The following ANKRD6 variants were observed in gnomAD, a reference collection of about 807,000 sequenced individuals.
ANKRD6 encodes ankyrin repeat domain 6.
A neutral mutation model predicts 82.3 loss-of-function variants in ANKRD6; 56 were observed. That is an observed-to-expected ratio of 0.68 (90% CI 0.55 to 0.85). ANKRD6 has a LOEUF of 0.85. ANKRD6 is among the 40% of genes least tolerant of loss of function. The pLI is 0.00. For missense variants in ANKRD6, 852 were observed against 907.6 expected (o/e 0.94, Z 0.79); for synonymous variants, 347 against 352.1 (o/e 0.99, Z 0.16).
At chr6:89,516,998 A>G (rs1351692238) in intron 1 of ANKRD6, among the ~76,000 whole-genome samples, 1 of 152,174 alleles carries the variant, frequency 6.6e-6, no homozygotes, top group African/African-American at 2.4e-5. Context: ...CCTCCTGAGT[A>G]GCTGAGACTA....
At chr6:89,510,125 G>A (rs951535596) in intron 1 of ANKRD6, among the ~76,000 whole-genome samples, 3 of 152,168 alleles carry the variant, frequency 2.0e-5, no homozygotes, top group African/African-American at 7.2e-5. Context: ...CCTCTGCTGT[G>A]GAGACTGGCA....
At chr6:89,467,494 C>G (rs1409556076) in intron 1 of ANKRD6, among the ~76,000 whole-genome samples, 1 of 152,130 alleles carries the variant, frequency 6.6e-6, no homozygotes, top group Non-Finnish European at 1.5e-5. Context: ...TAACTATTTA[C>G]TAGACACTAT....
chr6:89,610,284 C>T (rs1309379018), intron 5 of ANKRD6, among the ~76,000 whole-genome samples: 2 of 152,166 alleles, frequency 1.3e-5, no homozygotes, highest in Admixed American at 6.5e-5. Context: ...CACCCTCTCC[C>T]AGCCCCGGGC....
chr6:89,462,279 A>C (rs893945920), intron 1 of ANKRD6, among the ~76,000 whole-genome samples: 2 of 148,028 alleles, frequency 1.4e-5, no homozygotes, highest in East Asian at 3.9e-4. Context: ...TAAATACATA[A>C]ATAAAAATGA....
chr6:89,463,571 T>C (rs1028097755), intron 1 of ANKRD6, among the ~76,000 whole-genome samples: 13 of 152,202 alleles, frequency 8.5e-5, no homozygotes, highest in African/African-American at 3.1e-4. Context: ...TCAAAGGATA[T>C]ATGAAAACTG....
intron 1 of ANKRD6, among the ~76,000 whole-genome samples, chr6:89,492,751 C>T (rs576500314): frequency 6.6e-6 from 1 of 152,308 alleles, no homozygotes; most frequent in African/African-American, 2.4e-5. Context: ...CAGAGATTCA[C>T]AACAGGCCCT....
At chr6:89,448,748 T>C (rs1031059102) in intron 1 of ANKRD6, among the ~76,000 whole-genome samples, 5 of 152,166 alleles carry the variant, frequency 3.3e-5, no homozygotes, top group Admixed American at 1.3e-4. Context: ...TTAAGAAATA[T>C]GGCCGGGTGC....
At chr6:89,500,264 C>G (rs1779118715) in intron 1 of ANKRD6, among the ~76,000 whole-genome samples, 1 of 152,166 alleles carries the variant, frequency 6.6e-6, no homozygotes. Flanking sequence ...ACAGATCACT[C>G]ACTCTCCTTT....
intron 3 of ANKRD6, among the ~76,000 whole-genome samples, chr6:89,599,984 C>T (rs765914077): frequency 6.6e-4 from 100 of 152,118 alleles, no homozygotes; most frequent in Admixed American, 1.3e-3. Context: ...GGCCTGGAAA[C>T]AGGCAGGACA....
intron 2 of ANKRD6, among the ~76,000 whole-genome samples, chr6:89,570,038 T>C (rs532724389): frequency 4.1e-5 from 6 of 145,126 alleles, no homozygotes; most frequent in African/African-American, 1.5e-4. Flanking sequence ...ATTTATGTTA[T>C]ACTCGTGTGT....
intron 3 of ANKRD6, among the ~76,000 whole-genome samples, chr6:89,601,132 C>T (rs1038244840): frequency 2.0e-5 from 3 of 152,172 alleles, no homozygotes; most frequent in Admixed American, 1.3e-4. Context: ...AGGTAGACAG[C>T]GCAAATGGCA....
At chr6:89,485,898 A>C (rs1378457128) in intron 1 of ANKRD6, among the ~76,000 whole-genome samples, 6 of 152,218 alleles carry the variant, frequency 3.9e-5, no homozygotes, top group Admixed American at 6.5e-5. Context: ...ATGTTTGTGC[A>C]TATATACAAC....
chr6:89,629,816 A>G (rs923015405), intron 15 of ANKRD6, among the ~76,000 whole-genome samples: 1 of 152,224 alleles, frequency 6.6e-6, no homozygotes, highest in South Asian at 2.1e-4. Context: ...GGATTTTGAT[A>G]TAAGTGCTTT....
At chr6:89,580,665 T>C (rs1331149719) in intron 2 of ANKRD6, among the ~76,000 whole-genome samples, 3 of 152,086 alleles carry the variant, frequency 2.0e-5, no homozygotes, top group Admixed American at 6.5e-5. Flanking sequence ...CACGAGGGAT[T>C]TGCGATGCTG....
At chr6:89,460,347 A>G (rs1156699705) in intron 1 of ANKRD6, among the ~76,000 whole-genome samples, 1 of 152,128 alleles carries the variant, frequency 6.6e-6, no homozygotes, top group Non-Finnish European at 1.5e-5. Flanking sequence ...GACAATATTT[A>G]TATGCCAAAG....
intron 1 of ANKRD6, among the ~76,000 whole-genome samples, chr6:89,546,743 A>G (rs1225099159): frequency 1.3e-5 from 2 of 151,428 alleles, no homozygotes; most frequent in African/African-American, 4.8e-5. Context: ...GATTATAGGT[A>G]TGAGCCTTGC....
intron 2 of ANKRD6, among the ~76,000 whole-genome samples, chr6:89,570,919 G>A (rs1283634532): frequency 6.6e-6 from 1 of 152,118 alleles, no homozygotes; most frequent in Non-Finnish European, 1.5e-5. Flanking sequence ...AGTGAAATAT[G>A]GTAGTTCTAT....
intron 1 of ANKRD6, among the ~76,000 whole-genome samples, chr6:89,534,080 A>G (rs1316793951): frequency 6.6e-6 from 1 of 152,208 alleles, no homozygotes; most frequent in African/African-American, 2.4e-5. Flanking sequence ...AGATGATGGG[A>G]TAAGTTATTT....
intron 1 of ANKRD6, among the ~76,000 whole-genome samples, chr6:89,505,668 A>G (rs935293669): frequency 2.0e-5 from 3 of 152,242 alleles, no homozygotes; most frequent in African/African-American, 7.2e-5. Flanking sequence ...GCCATTATGG[A>G]AAGCCATATG....
Sources: allele counts gnomAD v4.1 joint callset (sites outside exome capture counted in the v4.1 genomes callset), GRCh38; gene constraint gnomAD v4.1.1; transcripts MANE v1.5; gene names NCBI Gene and HGNC (gene_info 2026-07-23, HGNC 2026-07-21).